Variants in MYO10 observed in about 807,000 individuals in gnomAD.
The protein encoded by MYO10 is myosin X.
In MYO10, 133 loss-of-function variants were observed where a neutral mutation model predicts 257.3. That is an observed-to-expected ratio of 0.52 (90% CI 0.45 to 0.60). The LOEUF is 0.60. MYO10 is among the 20% of genes least tolerant of loss of function. The pLI is 0.00. For missense variants in MYO10, 2,399 were observed against 2,635.7 expected (o/e 0.91, Z 1.97); for synonymous variants, 1,104 against 1,028.6 (o/e 1.07, Z -1.40).
intron 3 of MYO10, among the ~76,000 whole-genome samples, chr5:16,811,625 C>T (rs1188130339): frequency 6.6e-6 from 1 of 152,188 alleles, no homozygotes; most frequent in Non-Finnish European, 1.5e-5. Context: ...TCTCGGCTCA[C>T]TGCTGCCTCA....
chr5:16,760,704 C>T (rs62369283), intron 17 of MYO10, among the ~76,000 whole-genome samples: 337 of 152,162 alleles, frequency 2.2e-3, no homozygotes, highest in Non-Finnish European at 3.9e-3. Context: ...AGCTTAACCA[C>T]GCAGCTCTAA....
At chr5:16,880,407 C>T (rs1010625331) in intron 1 of MYO10, among the ~76,000 whole-genome samples, 5 of 151,862 alleles carry the variant, frequency 3.3e-5, no homozygotes, top group Admixed American at 6.5e-5. Flanking sequence ...CAGAGTTCCC[C>T]GGAGAGTTAT....
At chr5:16,697,590 C>T (rs1737813168) in intron 26 of MYO10, among the ~76,000 whole-genome samples, 1 of 151,868 alleles carries the variant, frequency 6.6e-6, no homozygotes, top group South Asian at 2.1e-4. Flanking sequence ...CCCAGCTACT[C>T]AGGAGGCTAA....
At chr5:16,757,357 G>C (rs1327188700) in intron 18 of MYO10, among the ~76,000 whole-genome samples, 1 of 139,444 alleles carries the variant, frequency 7.2e-6, no homozygotes, top group Non-Finnish European at 1.5e-5. Context: ...AAAAAAAAAA[G>C]CTTTCTCAGA....
intron 2 of MYO10, among the ~76,000 whole-genome samples, chr5:16,857,899 T>C (rs1744004375): frequency 6.6e-6 from 1 of 152,226 alleles, no homozygotes; most frequent in African/African-American, 2.4e-5. Flanking sequence ...GTCATTCCAA[T>C]GTGTAACCAG....
At chr5:16,822,690 AT>A (rs11288111) in intron 2 of MYO10, among the ~76,000 whole-genome samples, 115,151 of 133,426 alleles carry the variant, frequency 0.86, 49,596 homozygotes, top group East Asian at 0.95. Context: ...ATTTATTTTT[AT>A]TTTTTTTTTT....
chr5:16,684,770 C>T (rs1264130514), intron 29 of MYO10, among the ~76,000 whole-genome samples: 1 of 152,152 alleles, frequency 6.6e-6, no homozygotes, highest in Non-Finnish European at 1.5e-5. Flanking sequence ...TGGATTTCGG[C>T]CCAGCACAGT....
At chr5:16,799,496 CTT>C (rs10714513) in intron 3 of MYO10, among the ~76,000 whole-genome samples, 45 of 146,928 alleles carry the variant, frequency 3.1e-4, no homozygotes, top group South Asian at 4.4e-4. Flanking sequence ...AAGAGAAATA[CTT>C]TTTTTTTTTT....
chr5:16,759,626 A>G (rs991414534), intron 17 of MYO10, among the ~76,000 whole-genome samples: 9 of 152,202 alleles, frequency 5.9e-5, no homozygotes, highest in African/African-American at 2.2e-4. Flanking sequence ...ACGCTGGCAC[A>G]GAGGCAGCTG....
chr5:16,717,651 A>C (rs1272218047), intron 19 of MYO10, among the ~76,000 whole-genome samples: 1 of 152,228 alleles, frequency 6.6e-6, no homozygotes, highest in Non-Finnish European at 1.5e-5. Context: ...CTACTCCCAT[A>C]AACACGGACA....
chr5:16,881,371 C>T (rs1196981499), intron 1 of MYO10, among the ~76,000 whole-genome samples: 3 of 152,160 alleles, frequency 2.0e-5, no homozygotes, highest in Non-Finnish European at 2.9e-5. Context: ...TTTACCCTTT[C>T]GTTTGAAAGT....
At chr5:16,753,173 T>G (rs1204568943) in intron 19 of MYO10, among the ~76,000 whole-genome samples, 1 of 152,184 alleles carries the variant, frequency 6.6e-6, no homozygotes, top group Non-Finnish European at 1.5e-5. Context: ...TTGTTGTTTT[T>G]GTTTGTTTGT....
chr5:16,829,456 G>T (rs1000866024), intron 2 of MYO10, among the ~76,000 whole-genome samples: 2 of 152,124 alleles, frequency 1.3e-5, no homozygotes, highest in Non-Finnish European at 2.9e-5. Context: ...TCCTCTTGAG[G>T]AGCAATCGCC....
At chr5:16,794,924 GA>G in intron 3 of MYO10, 91 bp from the exon 4 acceptor site, 1 of 1,023,960 alleles carries the variant, frequency 9.8e-7, no homozygotes, top group Non-Finnish European at 1.3e-6. Context: ...GCGCCAGGGG[GA>G]AAGACGTCTT....
intron 1 of MYO10, among the ~76,000 whole-genome samples, chr5:16,920,986 T>C (rs959042104): frequency 7.9e-5 from 12 of 151,778 alleles, no homozygotes; most frequent in Admixed American, 5.9e-4. Context: ...GGCGTGGTGG[T>C]GGGCGCCTGT....
intron 4 of MYO10, among the ~76,000 whole-genome samples, chr5:16,794,303 G>A (rs1330837200): frequency 6.8e-6 from 1 of 147,158 alleles, no homozygotes; most frequent in African/African-American, 2.5e-5. Flanking sequence ...AACTATGCAA[G>A]ATTTCCTTAA....
At chr5:16,770,552 C>A (rs1209432520) in intron 9 of MYO10, among the ~76,000 whole-genome samples, 1 of 152,044 alleles carries the variant, frequency 6.6e-6, no homozygotes, top group East Asian at 1.9e-4. Flanking sequence ...CCAAAAAAAG[C>A]TATTAAAAAA....
Position 16,704,703 on chromosome 5 carries a change from A to T in MYO10, c.2170-18T>A. ...AGAAAGACCTGCTCAGGACGGAGTC[A>T]CATGTCAGAAGCAAAGAACATGGCC... On this transcript the variant is annotated intron_variant, in intron 21 of 40. Transcript: ENST00000513610. The T allele has an allele frequency of 6.2e-7, 1 of 1,600,280 alleles. No homozygotes were observed. The highest frequency in any genetic ancestry group is 8.6e-7 in the Non-Finnish European group (1 of 1,168,014).
intron 8 of MYO10, 133 bp downstream of exon 8, chr5:16,780,391 T>C (rs1206425287): frequency 1.2e-6 from 1 of 802,512 alleles, no homozygotes; most frequent in Non-Finnish European, 2.0e-6. Flanking sequence ...ATCTTTTTGG[T>C]GTTCGCATAG....
Sources: gnomAD v4.1 joint callset for allele counts (sites outside exome capture counted in the v4.1 genomes callset) on GRCh38, gnomAD v4.1.1 for gene constraint, MANE v1.5 for transcripts, NCBI Gene and HGNC (gene_info 2026-07-23, HGNC 2026-07-21) for gene names.